TMPRSS7: variants seen among roughly 807,000 people sequenced by gnomAD.
TMPRSS7 encodes the protein transmembrane serine protease 7, also known as transmembrane protease serine 7.
TMPRSS7 carries 81 observed loss-of-function variants against 95.6 expected under a neutral mutation model. The ratio of observed to expected loss-of-function variants is 0.85; its 90% CI spans 0.71 to 1.02. TMPRSS7 has a LOEUF of 1.02. Ranked by LOEUF, TMPRSS7 falls within the 50% of genes least tolerant of loss-of-function variation. The pLI is 0.00. For missense variants in TMPRSS7, 945 were observed against 955.2 expected (o/e 0.99, Z 0.14); for synonymous variants, 364 against 337.8 (o/e 1.08, Z -0.85).
chr3:112,058,406 A>C lies in TMPRSS7; in HGVS notation c.1310+1275A>C, dbSNP rs142376101. ...CTATCGTTTAGTAGCTACATTAACT[A>C]GGGCAAATTATTTAACTTCTTTGAG... On this transcript the variant is annotated intron_variant, in intron 10 of 17. Coordinates refer to ENST00000452346, the Ensembl canonical transcript of TMPRSS7. 2.7e-3 allele frequency among the ~76,000 whole-genome samples: 407 copies of C among 152,328 alleles called. 9 individuals carry two copies. In the South Asian group the frequency reaches 0.041, roughly 15 times the overall value.
chr3:112,074,490 T>G, intron 14 of TMPRSS7, 78 bp downstream of exon 14: 2 of 1,124,344 alleles, frequency 1.8e-6, no homozygotes, highest in Non-Finnish European at 2.6e-6. Context: ...ATTCCCTTCT[T>G]GGTGTATTTC....
intron 13 of TMPRSS7, among the ~76,000 whole-genome samples, chr3:112,068,184 A>G (rs1449242016): frequency 6.6e-6 from 1 of 152,082 alleles, no homozygotes; most frequent in Non-Finnish European, 1.5e-5. Context: ...ATTGCTCTAT[A>G]TATCTGTTTT....
At chr3:112,048,508 C>T (rs540027625) in intron 7 of TMPRSS7, among the ~76,000 whole-genome samples, 1 of 151,974 alleles carries the variant, frequency 6.6e-6, no homozygotes, top group Non-Finnish European at 1.5e-5. Flanking sequence ...ATATACATAC[C>T]CTAGTATTTT....
At chr3:112,035,316 T>C (rs2073143163) in intron 1 of TMPRSS7, among the ~76,000 whole-genome samples, 1 of 152,214 alleles carries the variant, frequency 6.6e-6, no homozygotes, top group Admixed American at 6.5e-5. Context: ...AATGGAATGT[T>C]TCTCTCTTTA....
chr3:112,040,003 G>A (rs2073189532), intron 2 of TMPRSS7, among the ~76,000 whole-genome samples: 1 of 152,216 alleles, frequency 6.6e-6, no homozygotes, highest in Admixed American at 6.5e-5. Flanking sequence ...GTTGGTGTCT[G>A]CAATGAATTG....
exon 16 of TMPRSS7, chr3:112,076,998 A>T (rs1442869776): frequency 1.9e-6 from 3 of 1,614,080 alleles, no homozygotes; most frequent in Admixed American, 1.7e-5. Context: ...ACTTTTGATT[A>T]TGATATTGCT....
chr3:112,049,051 C>A (rs1307592378), intron 7 of TMPRSS7, among the ~76,000 whole-genome samples: 3 of 152,308 alleles, frequency 2.0e-5, no homozygotes, highest in Admixed American at 6.5e-5. Flanking sequence ...ACTCTACAAC[C>A]CTGCCGCTTC....
At chr3:112,047,139 T>C (rs2073289020) in intron 6 of TMPRSS7, 127 bp downstream of exon 6, 1 of 646,542 alleles carries the variant, frequency 1.5e-6, no homozygotes, top group Middle Eastern at 2.5e-4. Context: ...GCATTCAAAC[T>C]GCCTTAAGCA....
intron 7 of TMPRSS7, among the ~76,000 whole-genome samples, 157 bp downstream of exon 7, chr3:112,048,124 T>G (rs182452231): frequency 3.3e-5 from 5 of 152,316 alleles, no homozygotes; most frequent in East Asian, 1.9e-4. Context: ...TCCCCTATAC[T>G]TTAGTACCCT....
At position 112,047,974 on chromosome 3, in the gene TMPRSS7, T is replaced by G; in HGVS notation, c.959+7T>G. On this transcript the variant is annotated splice_region_variant and intron_variant, in intron 7 of 17. Transcript: ENST00000452346. ...GGAGCAGCATCTTGTACAGGTACGA[T>G]GCAGGTACTCTTCTTGGTGGGTAAA... 1 of 1,608,556 alleles carries G rather than the reference T, an allele frequency of 6.2e-7. No homozygotes were observed. The highest frequency in any genetic ancestry group is 1.1e-5 in the South Asian group (1 of 90,946).
chr3:112,070,404 G>T (rs1404101595), intron 13 of TMPRSS7, among the ~76,000 whole-genome samples: 1 of 152,170 alleles, frequency 6.6e-6, no homozygotes, highest in African/African-American at 2.4e-5. Flanking sequence ...CTGTCTTGTT[G>T]ATCTGTCTAA....
chr3:112,044,626 A>G (rs1031843440), intron 4 of TMPRSS7, among the ~76,000 whole-genome samples: 1 of 152,230 alleles, frequency 6.6e-6, no homozygotes, highest in African/African-American at 2.4e-5. Context: ...AGGCAAAAAT[A>G]AAGCACAGAC....
intron 12 of TMPRSS7, among the ~76,000 whole-genome samples, chr3:112,065,390 G>C (rs1295565363): frequency 1.3e-5 from 2 of 152,010 alleles, no homozygotes; most frequent in Non-Finnish European, 2.9e-5. Flanking sequence ...ATTTGTCTTA[G>C]CTTATGGTTC....
At chr3:112,058,829 T>G (rs1318197157) in intron 10 of TMPRSS7, among the ~76,000 whole-genome samples, 1 of 152,224 alleles carries the variant, frequency 6.6e-6, no homozygotes, top group Non-Finnish European at 1.5e-5. Flanking sequence ...GAAAGCTCTC[T>G]CAGCCCCATC....
At chr3:112,050,005 T>G in intron 8 of TMPRSS7, 31 bp downstream of exon 8, 1 of 1,514,416 alleles carries the variant, frequency 6.6e-7, no homozygotes, top group Non-Finnish European at 8.9e-7. Context: ...GAGAAGTCAC[T>G]TTTAGAAATA....
chr3:112,042,334 T>C (rs1263423852), intron 3 of TMPRSS7, among the ~76,000 whole-genome samples: 1 of 152,194 alleles, frequency 6.6e-6, no homozygotes, highest in Non-Finnish European at 1.5e-5. Flanking sequence ...CAGATGACCT[T>C]TAAAACACCT....
At chr3:112,073,667 A>C (rs905170173) in intron 13 of TMPRSS7, among the ~76,000 whole-genome samples, 4 of 147,206 alleles carry the variant, frequency 2.7e-5, no homozygotes, top group Middle Eastern at 3.5e-3. Context: ...AGATTGCAAA[A>C]ATTTTCTCCC....
chr3:112,060,286 T>G (rs951070580), intron 10 of TMPRSS7, among the ~76,000 whole-genome samples: 1 of 152,256 alleles, frequency 6.6e-6, no homozygotes, highest in East Asian at 1.9e-4. Flanking sequence ...CGGGCACACA[T>G]TGTCATTGAT....
At chr3:112,055,260 G>T (rs1024052471) in intron 9 of TMPRSS7, among the ~76,000 whole-genome samples, 10 of 151,966 alleles carry the variant, frequency 6.6e-5, no homozygotes, top group Non-Finnish European at 8.8e-5. Flanking sequence ...TTTTAACCTT[G>T]GAAAAGTTAC....
Sources: allele counts gnomAD v4.1 joint callset (sites outside exome capture counted in the v4.1 genomes callset), GRCh38; gene constraint gnomAD v4.1.1; transcripts MANE v1.5; gene names NCBI Gene and HGNC (gene_info 2026-07-23, HGNC 2026-07-21).